The following EGFLAM variants were observed in gnomAD, a reference collection of about 807,000 sequenced individuals.
The protein encoded by EGFLAM is pikachurin.
A neutral mutation model predicts 113.1 loss-of-function variants in EGFLAM; 79 were observed. The observed-to-expected ratio is 0.70, with a 90% CI of 0.58 to 0.84. The LOEUF (loss-of-function observed/expected upper bound fraction) is 0.84. EGFLAM is among the 40% of genes least tolerant of loss of function. EGFLAM has a pLI of 0.00. For synonymous variants in EGFLAM, 504 were observed against 487.6 expected (o/e 1.03, Z -0.44); for missense variants, 1,265 against 1,291.6 (o/e 0.98, Z 0.32).
chr5:38,460,137 T>A (rs1743223356), intron 20 of EGFLAM, among the ~76,000 whole-genome samples: 1 of 152,222 alleles, frequency 6.6e-6, no homozygotes, highest in South Asian at 2.1e-4. Flanking sequence ...CTTGAGCTCT[T>A]TACCTCTAAC....
At chr5:38,433,838 CT>C (rs1241371104) in intron 15 of EGFLAM, among the ~76,000 whole-genome samples, 2 of 152,162 alleles carry the variant, frequency 1.3e-5, no homozygotes, top group Non-Finnish European at 2.9e-5. Flanking sequence ...CTTTGTTAAC[CT>C]CCTAGTTAAG....
chr5:38,402,426 G>C (rs561350754), intron 6 of EGFLAM, among the ~76,000 whole-genome samples: 1 of 152,066 alleles, frequency 6.6e-6, no homozygotes, highest in African/African-American at 2.4e-5. Flanking sequence ...ATTTTGTGAG[G>C]ATTAACTTAA....
chr5:38,338,852 G>A (rs1739262204), intron 3 of EGFLAM, 71 bp downstream of exon 3: 1 of 1,267,534 alleles, frequency 7.9e-7, no homozygotes, highest in African/African-American at 1.5e-5. Flanking sequence ...CTGATTTGGT[G>A]TGTGTGCTAC....
intron 1 of EGFLAM, among the ~76,000 whole-genome samples, chr5:38,275,599 A>G (rs866315587): frequency 1.3e-5 from 2 of 152,246 alleles, no homozygotes; most frequent in African/African-American, 4.8e-5. Flanking sequence ...GAAGGGAGAG[A>G]TAGATTGCAA....
intron 8 of EGFLAM, among the ~76,000 whole-genome samples, 180 bp downstream of exon 8, chr5:38,407,326 C>G (rs988545999): frequency 6.6e-6 from 1 of 152,214 alleles, no homozygotes; most frequent in Non-Finnish European, 1.5e-5. Context: ...TTCATTGCTT[C>G]TAAGTAGACA....
chr5:38,273,180 C>T (rs1757806648), intron 1 of EGFLAM, among the ~76,000 whole-genome samples: 1 of 152,116 alleles, frequency 6.6e-6, no homozygotes, highest in Non-Finnish European at 1.5e-5. Flanking sequence ...GAGAGACACA[C>T]CATACACTTG....
At position 38,448,770 on chromosome 5, in the gene EGFLAM, C is replaced by T. The variant is rs189491279; in HGVS notation, c.2543+391C>T. On this transcript the variant is annotated intron_variant, in intron 18 of 21. Transcript: ENST00000322350. ...GTGAGCAGGGCAGTTCCGTGCTGTGCCGTGGCCAGAGTGTGCAGCTCTGAC... is the reference window on the plus strand; with the variant it reads ...GTGAGCAGGGCAGTTCCGTGCTGTGTCGTGGCCAGAGTGTGCAGCTCTGAC... Among the ~76,000 whole-genome samples, 374 of 152,310 alleles carry T rather than the reference C, an allele frequency of 2.5e-3. 1 individual carries two copies. Among genetic ancestry groups the T allele is most frequent in the African/African-American group, 8.7e-3 (360 of 41,568 alleles).
intron 10 of EGFLAM, among the ~76,000 whole-genome samples, chr5:38,409,975 G>A (rs1007977304): frequency 1.3e-5 from 2 of 152,092 alleles, no homozygotes; most frequent in South Asian, 2.1e-4. Context: ...TCTCCGTGGC[G>A]CACTGGCTGA....
chr5:38,458,414 T>TGAGGCA lies in EGFLAM; in HGVS notation c.2771+24_2771+29dup. 1 of 1,612,318 alleles carries TGAGGCA rather than the reference T, an allele frequency of 6.2e-7. No homozygotes were observed. The highest frequency in any genetic ancestry group is 1.1e-5 in the South Asian group (1 of 90,854). On this transcript the variant is annotated intron_variant, in intron 20 of 21. Transcript: ENST00000322350. ...CGTTAGGTGAGTCCCTCCCGCAGCA[T>TGAGGCA]GAGGCAGAGCCAGAGCTGAGCAGTG...
At chr5:38,397,905 T>C (rs1741004326) in intron 6 of EGFLAM, among the ~76,000 whole-genome samples, 1 of 152,196 alleles carries the variant, frequency 6.6e-6, no homozygotes, top group African/African-American at 2.4e-5. Context: ...TATCTTCCAA[T>C]GTGAAGCACA....
At chr5:38,338,190 G>C (rs192695730) in intron 2 of EGFLAM, among the ~76,000 whole-genome samples, 1 of 152,212 alleles carries the variant, frequency 6.6e-6, no homozygotes, top group Admixed American at 6.5e-5. Context: ...TATGGGGAGA[G>C]CTGGCCACAC....
At chr5:38,317,000 C>T (rs1025258662) in intron 1 of EGFLAM, among the ~76,000 whole-genome samples, 2 of 152,088 alleles carry the variant, frequency 1.3e-5, no homozygotes, top group African/African-American at 4.8e-5. Flanking sequence ...GGCAATGTTC[C>T]GGTGTCCATT....
At chr5:38,461,674 A>G (rs1328839433) in intron 20 of EGFLAM, among the ~76,000 whole-genome samples, 1 of 152,182 alleles carries the variant, frequency 6.6e-6, no homozygotes, top group African/African-American at 2.4e-5. Flanking sequence ...TCTCTAGAAG[A>G]GTTGCTATCA....
intron 1 of EGFLAM, among the ~76,000 whole-genome samples, chr5:38,310,511 T>A (rs989359966): frequency 5.9e-5 from 9 of 152,206 alleles, no homozygotes; most frequent in African/African-American, 2.2e-4. Context: ...ATGAAGCTAT[T>A]CTACCCATGC....
chr5:38,302,159 C>T (rs1758595906), intron 1 of EGFLAM, among the ~76,000 whole-genome samples: 1 of 151,112 alleles, frequency 6.6e-6, no homozygotes. Context: ...TTCATTTGAA[C>T]TCAGGAGGTA....
chr5:38,463,919 A>T lies in EGFLAM; in HGVS notation c.2963A>T (p.Asp988Val). 1 of 1,614,216 alleles carries T rather than the reference A, an allele frequency of 6.2e-7. No homozygotes were observed. The highest frequency in any genetic ancestry group is 8.5e-7 in the Non-Finnish European group (1 of 1,180,046). ...GCISHFTLST[D>V]YHISLVEDAV... ...ATCTCTCACTTCACCCTGTCCACCG[A>T]TTACCACATTTCCCTCGTGGAAGAT... Residue 988 changes from aspartate (D) to valine (V), a missense_variant, in exon 22 of 22, where the codon GAT (aspartate) becomes GTT (valine). Asp to Val is a radical substitution (Grantham distance 152). Transcript: ENST00000322350.
chr5:38,395,186 C>T (rs542454271), intron 6 of EGFLAM, among the ~76,000 whole-genome samples: 48 of 151,402 alleles, frequency 3.2e-4, no homozygotes, highest in Admixed American at 1.1e-3. Context: ...GCAATCTGCC[C>T]GCCTTGGCCT....
chr5:38,370,253 T>C, intron 5 of EGFLAM, 43 bp from the exon 6 acceptor site: 1 of 1,591,148 alleles, frequency 6.3e-7, no homozygotes, highest in Non-Finnish European at 8.6e-7. Context: ...TTCCCTCTGG[T>C]ATTTCTGAAC....
chr5:38,348,178 A>G (rs1426556355), intron 3 of EGFLAM, among the ~76,000 whole-genome samples: 1 of 152,160 alleles, frequency 6.6e-6, no homozygotes, highest in African/African-American at 2.4e-5. Flanking sequence ...GTCACTGGGT[A>G]GATGTTCAAG....
Sources: allele counts gnomAD v4.1 joint callset (sites outside exome capture counted in the v4.1 genomes callset), GRCh38; gene constraint gnomAD v4.1.1; transcripts MANE v1.5; gene names NCBI Gene and HGNC (gene_info 2026-07-23, HGNC 2026-07-21).